The following NEXMIF variants were observed in gnomAD, a reference collection of about 807,000 sequenced individuals.
NEXMIF encodes the protein neurite extension and migration factor.
Under a neutral mutation model 62.1 loss-of-function variants are expected in NEXMIF, and 8 were observed. The ratio of observed to expected loss-of-function variants is 0.13; its 90% confidence interval spans 0.08 to 0.23. The LOEUF (loss-of-function observed/expected upper bound fraction) is 0.23, where lower values mean the gene tolerates loss of function less well. Among genes scored for constraint, NEXMIF ranks in the 10% least tolerant of loss-of-function variants. The pLI is 1.00. For missense variants in NEXMIF, 976 were observed against 1,113.3 expected (o/e 0.88, Z 1.75); for synonymous variants, 404 against 416.6 (o/e 0.97, Z 0.37).
chrX:74,808,835 A>G (rs2080352498), intron 1 of NEXMIF, among the ~76,000 whole-genome samples: 1 of 112,335 alleles, frequency 8.9e-6, no homozygotes, highest in Non-Finnish European at 1.9e-5. Context: ...AATGGAATGG[A>G]AAGGAGCTTT....
intron 1 of NEXMIF, among the ~76,000 whole-genome samples, chrX:74,899,277 G>A (rs190677081): frequency 9.0e-6 from 1 of 111,524 alleles, no homozygotes; most frequent in Admixed American, 9.5e-5. Flanking sequence ...AAAGAAAGAA[G>A]TTAAATTGTC....
At chrX:74,815,635 CTTT>C (rs1216144220) in intron 1 of NEXMIF, among the ~76,000 whole-genome samples, 1 of 99,581 alleles carries the variant, frequency 1.0e-5, no homozygotes, top group Non-Finnish European at 2.1e-5. Flanking sequence ...TCTACAACTA[CTTT>C]TTTTTTTTTT....
intron 1 of NEXMIF, among the ~76,000 whole-genome samples, chrX:74,814,931 A>G (rs1173530531): frequency 8.9e-6 from 1 of 111,865 alleles, no homozygotes; most frequent in Non-Finnish European, 1.9e-5. Context: ...GACCCCCCAG[A>G]GGGCACAGAA....
chrX:74,780,623 C>T (rs188401434), intron 1 of NEXMIF, among the ~76,000 whole-genome samples: 5 of 110,666 alleles, frequency 4.5e-5, no homozygotes, highest in South Asian at 3.9e-4. Context: ...GCAATCGGCC[C>T]GCTGTGGCCT....
intron 1 of NEXMIF, among the ~76,000 whole-genome samples, chrX:74,854,120 A>G (rs761511223): frequency 8.9e-6 from 1 of 111,976 alleles, no homozygotes; most frequent in Non-Finnish European, 1.9e-5. Context: ...CAAGTATACA[A>G]CAACAACAAA....
intron 1 of NEXMIF, among the ~76,000 whole-genome samples, chrX:74,759,055 C>A (rs1034754855): frequency 8.9e-6 from 1 of 112,169 alleles, no homozygotes; most frequent in Non-Finnish European, 1.9e-5. Context: ...TACAACTTCG[C>A]CAACATCTGT....
intron 1 of NEXMIF, among the ~76,000 whole-genome samples, chrX:74,823,688 A>G (rs766831116): frequency 1.9e-4 from 17 of 91,484 alleles, no homozygotes; most frequent in African/African-American, 7.8e-4. Flanking sequence ...AGAAAGAGAC[A>G]GAGAAAGACA....
At chrX:74,814,509 T>A (rs905314287) in intron 1 of NEXMIF, among the ~76,000 whole-genome samples, 23 of 111,759 alleles carry the variant, frequency 2.1e-4, no homozygotes, top group African/African-American at 6.8e-4. Flanking sequence ...ACTCAAAACA[T>A]GTGCCAGGTC....
intron 1 of NEXMIF, among the ~76,000 whole-genome samples, chrX:74,757,252 C>T (rs1322036945): frequency 1.8e-5 from 2 of 112,114 alleles, no homozygotes; most frequent in Admixed American, 9.5e-5. Flanking sequence ...GAGCAGATAC[C>T]GAACATTTTC....
chrX:74,787,175 C>T (rs1393570700), intron 1 of NEXMIF, among the ~76,000 whole-genome samples: 4 of 105,822 alleles, frequency 3.8e-5, no homozygotes, highest in East Asian at 2.9e-4. Flanking sequence ...CCCAGCTACT[C>T]GGGAGGCTGA....
chrX:74,739,969 A>T (rs1364026471), intron 3 of NEXMIF, 131 bp downstream of exon 3: 2 of 556,356 alleles, frequency 3.6e-6, no homozygotes, highest in African/African-American at 4.7e-5. Context: ...TACTTTGAAA[A>T]AGAAGGGAAT....
rs1365171630 is a variant in NEXMIF at position 74,796,150 on chromosome X, TATAC to T, written c.-47-50457_-47-50454del. ...TTATATATAATATATATATTATATA[TATAC>T]ATATATATTATATATATTATATATA... On this transcript the variant is annotated intron_variant, in intron 1 of 3. Coordinates refer to ENST00000055682, the MANE Select transcript of NEXMIF (RefSeq NM_001008537.3). Among the ~76,000 whole-genome samples the T allele has an allele frequency of 1.1e-3, 84 of 75,516 alleles. 1 individual carries two copies. The highest frequency in any genetic ancestry group is 4.1e-3 in the African/African-American group (78 of 19,075). 65.6% of individuals were successfully genotyped at this position (75,516 alleles called of 115,157 possible). A position where few individuals can be genotyped will look rare whatever the true frequency, so the allele number is the denominator to read the frequency against.
intron 1 of NEXMIF, among the ~76,000 whole-genome samples, chrX:74,878,897 C>T (rs191944354): frequency 8.9e-6 from 1 of 112,603 alleles, no homozygotes; most frequent in Admixed American, 9.3e-5. Context: ...TCTGGCACTC[C>T]CAATGAGATG....
At chrX:74,859,024 T>C (rs1289773398) in intron 1 of NEXMIF, among the ~76,000 whole-genome samples, 1 of 109,339 alleles carries the variant, frequency 9.1e-6, no homozygotes, top group East Asian at 2.9e-4. Context: ...ATCTAGAAAA[T>C]AGTCTCAAAA....
At chrX:74,877,485 C>T (rs748603342) in intron 1 of NEXMIF, among the ~76,000 whole-genome samples, 9 of 110,768 alleles carry the variant, frequency 8.1e-5, no homozygotes, top group South Asian at 7.7e-4. Flanking sequence ...TTGCTCTTCT[C>T]GAGGAGTATC....
At chrX:74,869,515 AAATG>A (rs1390199556) in intron 1 of NEXMIF, among the ~76,000 whole-genome samples, 1 of 112,074 alleles carries the variant, frequency 8.9e-6, no homozygotes, top group Non-Finnish European at 1.9e-5. Context: ...TCCAAATTGG[AAATG>A]AAGAAGTCAA....
At chrX:74,803,380 C>A (rs965813422) in intron 1 of NEXMIF, among the ~76,000 whole-genome samples, 1 of 110,690 alleles carries the variant, frequency 9.0e-6, no homozygotes, top group African/African-American at 3.3e-5. Context: ...GAAACCCTGT[C>A]TGTTCTAAAA....
At position 74,763,234 on chromosome X, in the gene NEXMIF, C is replaced by A. The variant is rs986009363; in HGVS notation, c.-47-17537G>T. The stretch of plus-strand genomic sequence containing the variant: ...TTTATTAAATAGGGAATCCTTTCCC[C>A]ATTGCTTGTTTTTCTCAGGTTTGTC... On this transcript the variant is annotated intron_variant, in intron 1 of 3. Transcript: ENST00000055682. Among the ~76,000 whole-genome samples the A allele has an allele frequency of 4.5e-5, 5 of 111,815 alleles. No individual in the cohort carries two copies. The Admixed American group carries it at 4.8e-4, about 11-fold the overall frequency.
intron 1 of NEXMIF, among the ~76,000 whole-genome samples, chrX:74,873,754 A>C (rs2080614841): frequency 9.0e-6 from 1 of 111,463 alleles, no homozygotes; most frequent in South Asian, 3.8e-4. Context: ...GATGATGAGC[A>C]TTTTTTCATG....
Sources: gnomAD v4.1 joint callset for allele counts (sites outside exome capture counted in the v4.1 genomes callset) on GRCh38, gnomAD v4.1.1 for gene constraint, MANE v1.5 for transcripts, NCBI Gene and HGNC (gene_info 2026-07-23, HGNC 2026-07-21) for gene names.